LRRC18: variants seen among roughly 807,000 people sequenced by gnomAD.
LRRC18 encodes the protein leucine rich repeat containing 18.
In LRRC18, 12 loss-of-function variants were observed where a neutral mutation model predicts 11.2. That is an observed-to-expected ratio of 1.07 (90% CI 0.69 to 1.74). The LOEUF (loss-of-function observed/expected upper bound fraction) is 1.74, where lower values mean the gene tolerates loss of function less well. Ranked by LOEUF, LRRC18 falls within the 40% of genes most tolerant of loss-of-function variation. LRRC18 has a pLI of 0.00. For missense variants in LRRC18, 374 were observed against 330.5 expected (o/e 1.13, Z -1.02); for synonymous variants, 155 against 130.6 (o/e 1.19, Z -1.27).
rs1322081109 is a variant in LRRC18, at chr10:48,914,175, G to A, written c.-20C>T. On this transcript the variant is annotated 5_prime_UTR_variant, in exon 1 of 2. Transcript: ENST00000374160. ...AACCATGTTCTTTTAGTAAGGGAGTGTTAGAAGTTTATTGTTCTGATTGGA... is the reference window on the plus strand; with the variant it reads ...AACCATGTTCTTTTAGTAAGGGAGTATTAGAAGTTTATTGTTCTGATTGGA... 14 of 1,603,838 alleles carry A rather than the reference G, an allele frequency of 8.7e-6. No individual in the cohort carries two copies. In the South Asian group the frequency reaches 8.9e-5, roughly 10 times the overall value.
At chr10:48,932,600 T>C in the LRRC18 span, 1 of 150,876 alleles carries the variant, frequency 6.6e-6, no homozygotes, top group Non-Finnish European at 1.5e-5. Flanking sequence ...AGCAAGGCTA[T>C]ACCTTTGTGT....
In LRRC18 at chr10:48,911,272, A is replaced by G. The variant is rs925351460; in HGVS notation, c.765-1014T>C. ...AGGTGAAGAGAAAAATGTGAAGGAC[A>G]GTGCTTAGTGCTGGCAAGGATGCCG... On this transcript the variant is annotated intron_variant, in intron 1 of 1. Coordinates refer to ENST00000374160, the Ensembl canonical transcript of LRRC18. 2.6e-5 allele frequency among the ~76,000 whole-genome samples: 4 copies of G among 152,230 alleles called. 1 individual carries two copies. The South Asian group carries it at 8.3e-4, about 32-fold the overall frequency.
upstream of LRRC18, among the ~76,000 whole-genome samples, chr10:48,914,777 C>T (rs1325328254): frequency 6.6e-6 from 1 of 152,128 alleles, no homozygotes; most frequent in African/African-American, 2.4e-5. Flanking sequence ...CAACAGTAGC[C>T]ATGCAGAAAA....
At chr10:48,925,606 G>A in the LRRC18 span, among the ~76,000 whole-genome samples, 1 of 152,134 alleles carries the variant, frequency 6.6e-6, no homozygotes, top group African/African-American at 2.4e-5. Flanking sequence ...GCTTCCCTGT[G>A]GGCAGAAGGA....
chr10:48,929,989 G>T, the LRRC18 span, among the ~76,000 whole-genome samples: 1 of 151,834 alleles, frequency 6.6e-6, no homozygotes. Flanking sequence ...TGCATTACTT[G>T]TTATGCTTGC....
the LRRC18 span, among the ~76,000 whole-genome samples, chr10:48,930,930 C>T: frequency 2.2e-3 from 337 of 152,240 alleles, 5 homozygotes; most frequent in African/African-American, 7.7e-3. Flanking sequence ...AGAGAAAGAA[C>T]GCCAAGAATA....
exon 1 of LRRC18, chr10:48,913,540 G>T (rs1214360371): frequency 8.7e-6 from 14 of 1,614,020 alleles, no homozygotes; most frequent in Non-Finnish European, 1.2e-5. Context: ...GCCGCACACA[G>T]ATCCTTCTCC....
chr10:48,910,930 A>G (rs1564473514), intron 1 of LRRC18: 8 of 984,680 alleles, frequency 8.1e-6, no homozygotes, highest in Non-Finnish European at 9.6e-6. Context: ...TCCTTTGCTG[A>G]ACCTTTTGAA....
At chr10:48,939,280 C>T in the LRRC18 span, among the ~76,000 whole-genome samples, 5 of 152,242 alleles carry the variant, frequency 3.3e-5, no homozygotes, top group African/African-American at 1.2e-4. Flanking sequence ...GCCAGGACCA[C>T]GCCTGTTGAG....
chr10:48,932,924 G>C, the LRRC18 span, among the ~76,000 whole-genome samples: 2 of 152,156 alleles, frequency 1.3e-5, no homozygotes, highest in African/African-American at 4.8e-5. Context: ...AGGTCAAGGA[G>C]GGGAGGGCGA....
At chr10:48,917,390 AC>A (rs563911977), upstream of LRRC18, among the ~76,000 whole-genome samples, 155 of 152,320 alleles carry the variant, frequency 1.0e-3, no homozygotes, top group African/African-American at 3.3e-3. Flanking sequence ...AAAATTACAA[AC>A]ACAGGAAGGA....
the LRRC18 span, among the ~76,000 whole-genome samples, chr10:48,929,791 TC>T: frequency 5.3e-5 from 8 of 152,144 alleles, no homozygotes; most frequent in African/African-American, 1.9e-4. Flanking sequence ...CACAGCCTCT[TC>T]CGGCTGGGCT....
chr10:48,927,106 T>G, the LRRC18 span, among the ~76,000 whole-genome samples: 1 of 152,212 alleles, frequency 6.6e-6, no homozygotes, highest in Non-Finnish European at 1.5e-5. Flanking sequence ...GTATGCAGAC[T>G]GCCTGAAGTT....
At chr10:48,920,751 T>C in the LRRC18 span, among the ~76,000 whole-genome samples, 10 of 152,156 alleles carry the variant, frequency 6.6e-5, no homozygotes, top group Non-Finnish European at 1.3e-4. Context: ...ACTGTCCACA[T>C]AGAGAATCCC....
chr10:48,923,654 A>G, the LRRC18 span, among the ~76,000 whole-genome samples: 1 of 151,912 alleles, frequency 6.6e-6, no homozygotes, highest in African/African-American at 2.4e-5. Context: ...CTGTATGAGC[A>G]TATTGAGTGC....
intron 1 of LRRC18, chr10:48,911,075 G>C (rs561635816): frequency 3.3e-5 from 7 of 211,972 alleles, no homozygotes; most frequent in African/African-American, 1.6e-4. Context: ...TACCTTTTGG[G>C]TCAGAGAAGA....
chr10:48,933,165 ATTC>A, the LRRC18 span, among the ~76,000 whole-genome samples: 1 of 152,288 alleles, frequency 6.6e-6, no homozygotes, highest in Admixed American at 6.5e-5. Context: ...CAGATGGAAC[ATTC>A]TTCTAGATTG....
At chr10:48,913,433 G>C (rs779872020) in exon 1 of LRRC18, 2 of 1,613,160 alleles carry the variant, frequency 1.2e-6, no homozygotes, top group Non-Finnish European at 1.7e-6. Flanking sequence ...AATTGGGTGA[G>C]ATCAGATTGG....
At chr10:48,923,496 G>GTATATATATATATATATATATATA in the LRRC18 span, among the ~76,000 whole-genome samples, 186 of 63,150 alleles carry the variant, frequency 2.9e-3, 15 homozygotes, top group South Asian at 4.8e-3. Context: ...ATAGTTTTTA[G>GTATATATATATATATATATATATA]TATATATATA....
Sources: allele counts gnomAD v4.1 joint callset (sites outside exome capture counted in the v4.1 genomes callset), GRCh38; gene constraint gnomAD v4.1.1; transcripts MANE v1.5; gene names NCBI Gene and HGNC (gene_info 2026-07-23, HGNC 2026-07-21).